The following C8orf34 variants were observed in gnomAD, a reference collection of about 807,000 sequenced individuals.
C8orf34 encodes chromosome 8 open reading frame 34.
C8orf34 carries 65 observed loss-of-function variants against 68.3 expected under a neutral mutation model. The ratio of observed to expected loss-of-function variants is 0.95; its 90% CI spans 0.78 to 1.17. The LOEUF is 1.17. Among genes scored for constraint, C8orf34 ranks in the 50% most tolerant of loss-of-function variants. C8orf34 has a pLI of 0.00. For missense variants in C8orf34, 664 were observed against 655.4 expected, an observed-to-expected ratio of 1.01 and a Z score of -0.14; for synonymous variants, 244 against 241.2, an observed-to-expected ratio of 1.01 and a Z score of -0.11.
At chr8:68,368,888 C>T (rs1807433413) in intron 1 of C8orf34, among the ~76,000 whole-genome samples, 1 of 151,884 alleles carries the variant, frequency 6.6e-6, no homozygotes, top group East Asian at 1.9e-4. Flanking sequence ...GATTTTTTTC[C>T]CTCTACTTTT....
chr8:68,572,179 A>G (rs181898252), intron 7 of C8orf34, among the ~76,000 whole-genome samples: 73 of 152,120 alleles, frequency 4.8e-4, no homozygotes, highest in Non-Finnish European at 9.4e-4. Flanking sequence ...GGACCACTGT[A>G]TATATGGTCT....
chr8:68,515,173 G>T (rs965144824), intron 5 of C8orf34, among the ~76,000 whole-genome samples: 1 of 151,762 alleles, frequency 6.6e-6, no homozygotes, highest in African/African-American at 2.4e-5. Context: ...TCAGTCATAC[G>T]ATTTTCAAAA....
intron 1 of C8orf34, among the ~76,000 whole-genome samples, chr8:68,348,912 A>C (rs2129618417): frequency 6.6e-6 from 1 of 152,160 alleles, no homozygotes; most frequent in South Asian, 2.1e-4. Flanking sequence ...TCATCTGCAA[A>C]GAGACAGAGT....
At chr8:68,376,107 C>T (rs1250228735) in intron 1 of C8orf34, among the ~76,000 whole-genome samples, 6 of 151,714 alleles carry the variant, frequency 4.0e-5, no homozygotes, top group African/African-American at 1.5e-4. Context: ...TTTGTATCTC[C>T]ATGGCCTAGA....
At chr8:68,556,790 T>C (rs752169719) in intron 7 of C8orf34, among the ~76,000 whole-genome samples, 4 of 152,214 alleles carry the variant, frequency 2.6e-5, no homozygotes, top group Non-Finnish European at 5.9e-5. Context: ...GTTGTAGGTA[T>C]GATAGATTTC....
chr8:68,808,589 C>T (rs1824553448), intron 12 of C8orf34, among the ~76,000 whole-genome samples: 1 of 150,702 alleles, frequency 6.6e-6, no homozygotes, highest in Admixed American at 6.6e-5. Flanking sequence ...AAAATAAAAA[C>T]ATTTGCATAA....
chr8:68,514,005 C>T (rs1007675764), intron 5 of C8orf34, among the ~76,000 whole-genome samples: 1 of 152,184 alleles, frequency 6.6e-6, no homozygotes, highest in Non-Finnish European at 1.5e-5. Flanking sequence ...ATTTCTCAAG[C>T]CCCATGTTGG....
At chr8:68,735,409 A>G (rs1247636191) in intron 10 of C8orf34, among the ~76,000 whole-genome samples, 2 of 152,234 alleles carry the variant, frequency 1.3e-5, no homozygotes, top group Non-Finnish European at 2.9e-5. Context: ...TAGCTGCATC[A>G]TGTGAATGTT....
intron 5 of C8orf34, among the ~76,000 whole-genome samples, chr8:68,500,419 A>C (rs1813715534): frequency 6.6e-6 from 1 of 152,244 alleles, no homozygotes; most frequent in Non-Finnish European, 1.5e-5. Flanking sequence ...CGTGGGATCC[A>C]GGATATTCTT....
At chr8:68,443,094 C>A (rs978591836) in intron 2 of C8orf34, among the ~76,000 whole-genome samples, 1 of 152,074 alleles carries the variant, frequency 6.6e-6, no homozygotes, top group Non-Finnish European at 1.5e-5. Flanking sequence ...GAACATGGGA[C>A]ATGGGGCAAG....
chr8:68,696,749 G>C (rs545440074), intron 8 of C8orf34, among the ~76,000 whole-genome samples: 7 of 152,048 alleles, frequency 4.6e-5, no homozygotes, highest in South Asian at 4.2e-4. Context: ...AATGTTCTTA[G>C]CTGTAATTGC....
intron 1 of C8orf34, among the ~76,000 whole-genome samples, chr8:68,366,413 GA>G (rs1324391433): frequency 1.8e-4 from 24 of 132,790 alleles, no homozygotes; most frequent in African/African-American, 7.3e-4. Context: ...AGTTCATATG[GA>G]ACCAAAAAAG....
intron 12 of C8orf34, among the ~76,000 whole-genome samples, chr8:68,812,164 A>G (rs893799973): frequency 6.6e-6 from 1 of 152,212 alleles, no homozygotes; most frequent in Non-Finnish European, 1.5e-5. Flanking sequence ...AGTTATATTT[A>G]CAGTGTTCCA....
intron 12 of C8orf34, chr8:68,787,753 GA>G (rs78841992): frequency 1.7e-4 from 51 of 296,054 alleles, no homozygotes; most frequent in Admixed American, 2.4e-4. Context: ...TAACTTTCTA[GA>G]AAAAAAAAGC....
At chr8:68,816,451 T>C (rs747081031) in intron 13 of C8orf34, among the ~76,000 whole-genome samples, 22 of 152,124 alleles carry the variant, frequency 1.4e-4, no homozygotes, top group Non-Finnish European at 3.2e-4. Context: ...CTTAAGTATG[T>C]TCCAGAGAAA....
chr8:68,779,494 G>T (rs1043982503), intron 11 of C8orf34, among the ~76,000 whole-genome samples: 13 of 152,108 alleles, frequency 8.5e-5, no homozygotes, highest in African/African-American at 2.9e-4. Context: ...ATCTCTTAGG[G>T]TGTCAAACAG....
At chr8:68,381,302 ATCCACT>A (rs1808018979) in intron 1 of C8orf34, among the ~76,000 whole-genome samples, 2 of 152,204 alleles carry the variant, frequency 1.3e-5, no homozygotes, top group Non-Finnish European at 2.9e-5. Context: ...GTTCTAGTTA[ATCCACT>A]AGATGCTTAC....
chr8:68,413,467 C>G (rs1328173704), intron 1 of C8orf34, among the ~76,000 whole-genome samples: 1 of 152,158 alleles, frequency 6.6e-6, no homozygotes, highest in Non-Finnish European at 1.5e-5. Context: ...CATTAAAACA[C>G]ATTAATTTAA....
rs148194488 is a variant in C8orf34, at chr8:68,445,854, G to A, written c.476-475G>A. Among the ~76,000 whole-genome samples the A allele has an allele frequency of 2.1e-3, 322 of 152,240 alleles. 1 individual carries two copies. The highest frequency in any genetic ancestry group is 7.0e-3 in the African/African-American group (289 of 41,538). On this transcript the variant is annotated intron_variant, in intron 2 of 13. Transcript: ENST00000518698. The stretch of plus-strand genomic sequence containing the variant: ...ACTCAGGCTGGAGTGCAGTGGCACA[G>A]TCTCGGCTCACTGCAACTTCTGCCT...
Sources: gnomAD v4.1 joint callset for allele counts (sites outside exome capture counted in the v4.1 genomes callset) on GRCh38, gnomAD v4.1.1 for gene constraint, MANE v1.5 for transcripts, NCBI Gene and HGNC (gene_info 2026-07-23, HGNC 2026-07-21) for gene names.